Variants in RBSN observed in about 807,000 individuals in gnomAD.
RBSN encodes the protein rabenosyn, RAB effector.
A neutral mutation model predicts 60.5 loss-of-function variants in RBSN; 34 were observed. That is an observed-to-expected ratio of 0.56 (90% confidence interval 0.43 to 0.75). The LOEUF (loss-of-function observed/expected upper bound fraction) is 0.75, where lower values mean the gene tolerates loss of function less well. RBSN is among the 30% of genes least tolerant of loss of function. The pLI, the probability that RBSN is intolerant of heterozygous loss-of-function variation, is 0.00. For synonymous variants in RBSN, 322 were observed against 366.9 expected (o/e 0.88, Z 1.40); for missense variants, 845 against 986.8 (o/e 0.86, Z 1.92).
chr3:15,075,230 C>A, intron 13 of RBSN: 1 of 576,708 alleles, frequency 1.7e-6, no homozygotes, highest in South Asian at 1.9e-5. Flanking sequence ...CCCTCATCTA[C>A]ACTGGAATCT....
intron 4 of RBSN, among the ~76,000 whole-genome samples, chr3:15,093,324 T>G (rs904963590): frequency 6.6e-6 from 1 of 152,218 alleles, no homozygotes; most frequent in African/African-American, 2.4e-5. Flanking sequence ...AAGAATTCCT[T>G]TCTAACTAAA....
In RBSN at chr3:15,095,946, G is replaced by A. The variant is rs1343962619; in HGVS notation, c.148+27C>T. 2.5e-6 allele frequency: 4 copies of A among 1,614,072 alleles called. No homozygotes were observed. In the African/African-American group the frequency reaches 5.3e-5, roughly 22 times the overall value. ...GAGTTAAAGCTCTCAACGACAGCAG[G>A]GGATAGGCAAGGTCCTCGCCTCTTA... On this transcript the variant is annotated intron_variant, in intron 4 of 13. Coordinates refer to ENST00000253699, the MANE Select transcript of RBSN (RefSeq NM_022340.4).
Position 15,090,505 on chromosome 3 carries a change from C to T in RBSN, c.183G>A (p.Arg61=). The T allele has an allele frequency of 1.2e-6, 2 of 1,614,182 alleles. No individual in the cohort carries two copies. Residue 61 remains arginine, a synonymous_variant, in exon 5 of 14, where the codon AGG becomes AGA. Transcript: ENST00000253699. The stretch of plus-strand genomic sequence containing the variant: ...GATCATCCCCTTCTCGTTTCAACAA[C>T]CTGTCCTTTGCTTTTTTAGCCTTCT... The part of the protein sequence containing the change: ...LVQKAKKAKD[R]LLKREGDDRA...
At chr3:15,081,889 C>T (rs981496885) in intron 9 of RBSN, among the ~76,000 whole-genome samples, 15 of 152,168 alleles carry the variant, frequency 9.9e-5, no homozygotes, top group African/African-American at 3.1e-4. Context: ...ACTCAAGTAA[C>T]GACAGCTGAG....
At chr3:15,089,921 C>T (rs2043463674) in intron 5 of RBSN, among the ~76,000 whole-genome samples, 1 of 152,044 alleles carries the variant, frequency 6.6e-6, no homozygotes, top group Admixed American at 6.6e-5. Context: ...GTTGTACAAT[C>T]ATCATAATAA....
chr3:15,077,548 C>T lies in RBSN; in HGVS notation c.999-384G>A, dbSNP rs1423148559. 4.2e-4 allele frequency among the ~76,000 whole-genome samples: 64 copies of T among 152,156 alleles called. No homozygotes were observed. Among genetic ancestry groups the T allele is most frequent in the Admixed American group, 4.1e-3 (63 of 15,282 alleles). On this transcript the variant is annotated intron_variant, in intron 11 of 13. Transcript: ENST00000253699. This position sits in a 1 kb window ranked among gnomAD's most constrained non-coding sequence, Gnocchi z 4.4. The stretch of plus-strand genomic sequence containing the variant: ...CATTTTCATTTTGTACCAGGCCCTG[C>T]AACTACGAACTCCTGCTGTATGTCT...
chr3:15,078,207 T>C (rs368840817), intron 10 of RBSN, 46 bp from the exon 11 acceptor site: 10 of 1,540,688 alleles, frequency 6.5e-6, no homozygotes, highest in Admixed American at 1.7e-5. Flanking sequence ...ATGGTGCAGA[T>C]TGGACAGCAT....
intron 10 of RBSN, among the ~76,000 whole-genome samples, chr3:15,079,114 T>A (rs1416926113): frequency 6.6e-6 from 1 of 152,050 alleles, no homozygotes; most frequent in Non-Finnish European, 1.5e-5. Flanking sequence ...ATTTTTTCCA[T>A]AAGGAGCCGA....
At position 15,078,776 on chromosome 3, in the gene RBSN, ATACATATATATATATATATATATATAT is replaced by A. The variant is rs1296631181; in HGVS notation, c.912-642_912-616del. ...CTCGGTCTCAAAAAAAAAAAAAAAA[ATACATATATATATATATATATATATAT>A]ATATATATATATATATATATACATG... On this transcript the variant is annotated intron_variant, in intron 10 of 13. Transcript: ENST00000253699. Among the ~76,000 whole-genome samples the A allele has an allele frequency of 5.3e-4, 30 of 56,264 alleles. 1 individual carries two copies. The highest frequency in any genetic ancestry group is 2.1e-3 in the African/African-American group (30 of 13,958). 36.9% of individuals were successfully genotyped at this position (56,264 alleles called of 152,430 possible). A position where few individuals can be genotyped will look rare whatever the true frequency, so the allele number is the denominator to read the frequency against.
At chr3:15,092,817 C>T (rs1464174432) in intron 4 of RBSN, among the ~76,000 whole-genome samples, 1 of 152,124 alleles carries the variant, frequency 6.6e-6, no homozygotes. Context: ...TTTTTGCAAA[C>T]AAGACTAAAG....
At position 15,074,816 on chromosome 3, in the gene RBSN, C is replaced by T; in HGVS notation, c.1321G>A (p.Glu441Lys). 2 of 1,614,242 alleles carry T rather than the reference C, an allele frequency of 1.2e-6. No homozygotes were observed. Among genetic ancestry groups the T allele is most frequent in the Non-Finnish European group, 1.7e-6 (2 of 1,180,052 alleles). The change falls in exon 14 of 14, where the codon GAG becomes AAG. Residue 441 changes from glutamate (E) to lysine (K), a missense_variant. Coordinates refer to ENST00000253699, the MANE Select transcript of RBSN (RefSeq NM_022340.4). This position sits in a 1 kb window ranked among gnomAD's most constrained non-coding sequence, Gnocchi z 6.4. The stretch of plus-strand genomic sequence containing the variant: ...CCTCCTGACAGTGGGAGCCAGCCCT[C>T]AGCCTTTCTCAAGGGGGCAGGGCCC... The part of the protein sequence containing the change: ...RRGPAPLRKA[E>K]GWLPLSGGQG...
chr3:15,082,521 C>T lies in RBSN; in HGVS notation c.686G>A (p.Gly229Asp), dbSNP rs746629406. ...SPNSVHGSRR[G>D]SISSMSSVSS... ...GACACTGCTCATGCTGCTGATGCTG[C>T]CTCGGCGGGAGCCATGGACACTGTT... is the stretch of plus-strand genomic sequence containing the variant. Residue 229 changes from glycine (G) to aspartate (D), a missense_variant, in exon 9 of 14, where the codon GGC becomes GAC. Transcript: ENST00000253699. This position sits in a 1 kb window ranked among gnomAD's most constrained non-coding sequence, Gnocchi z 4.2. 6.2e-7 allele frequency: 1 copy of T among 1,614,182 alleles called. No homozygotes were observed. Among genetic ancestry groups the T allele is most frequent in the South Asian group, 1.1e-5 (1 of 91,082 alleles).
intron 4 of RBSN, among the ~76,000 whole-genome samples, chr3:15,091,092 C>T (rs1176221651): frequency 6.6e-6 from 1 of 151,150 alleles, no homozygotes; most frequent in Non-Finnish European, 1.5e-5. Context: ...CACCTGTAGT[C>T]CCAGCTACTT....
intron 4 of RBSN, among the ~76,000 whole-genome samples, chr3:15,093,762 C>CA (rs2043577759): frequency 6.6e-6 from 1 of 152,118 alleles, no homozygotes; most frequent in Non-Finnish European, 1.5e-5. Flanking sequence ...AGTGCAGTGG[C>CA]ATAATCATGG....
intron 4 of RBSN, 185 bp downstream of exon 4, chr3:15,095,788 G>T: frequency 1.4e-6 from 1 of 730,502 alleles, no homozygotes; most frequent in Non-Finnish European, 2.2e-6. Context: ...CACAGTTATT[G>T]TGAGGATTAA....
At chr3:15,079,883 A>T (rs1267676810) in intron 10 of RBSN, among the ~76,000 whole-genome samples, 2 of 152,174 alleles carry the variant, frequency 1.3e-5, no homozygotes, top group Non-Finnish European at 2.9e-5. Context: ...TACGCTAAAA[A>T]CCACCAAACT....
chr3:15,090,308 T>C, intron 5 of RBSN, 91 bp downstream of exon 5: 3 of 1,412,272 alleles, frequency 2.1e-6, no homozygotes, highest in Admixed American at 4.1e-5. Flanking sequence ...TATGGTTTAC[T>C]GATGCCTCCT....
chr3:15,086,499 A>G (rs1336676181), intron 5 of RBSN, among the ~76,000 whole-genome samples: 2 of 152,208 alleles, frequency 1.3e-5, no homozygotes, highest in Admixed American at 6.5e-5. Context: ...CCTTGGACAC[A>G]TTACTTAACA....
rs768438905 is a variant in RBSN, at chr3:15,095,959, T to TCCTC, written c.148+10_148+13dup. On this transcript the variant is annotated intron_variant, in intron 4 of 13. Coordinates refer to ENST00000253699, the MANE Select transcript of RBSN (RefSeq NM_022340.4). ...CAACGACAGCAGGGGATAGGCAAGG[T>TCCTC]CCTCGCCTCTTACTTTTAATTTGCC... The TCCTC allele has an allele frequency of 6.2e-7, 1 of 1,614,128 alleles. No homozygotes were observed. The highest frequency in any genetic ancestry group is 1.7e-5 in the Admixed American group (1 of 60,030).
Sources: allele counts gnomAD v4.1 joint callset (sites outside exome capture counted in the v4.1 genomes callset), GRCh38; gene constraint gnomAD v4.1.1; non-coding constraint Gnocchi (gnomAD v3.1); transcripts MANE v1.5; gene names NCBI Gene and HGNC (gene_info 2026-07-23, HGNC 2026-07-21).